Variants in PCDH15 observed in about 807,000 individuals in gnomAD.
PCDH15 encodes the protein protocadherin-15.
PCDH15 carries 129 observed loss-of-function variants against 178.5 expected under a neutral mutation model. The ratio of observed to expected loss-of-function variants is 0.72; its 90% CI spans 0.63 to 0.84. The LOEUF (loss-of-function observed/expected upper bound fraction) is 0.84. Among genes scored for constraint, PCDH15 ranks in the 40% least tolerant of loss-of-function variants. The pLI, the probability that PCDH15 is intolerant of heterozygous loss-of-function variation, is 0.00. For synonymous variants in PCDH15, 800 were observed against 732.0 expected, an observed-to-expected ratio of 1.09 and a Z score of -1.50; for missense variants, 2,230 against 2,099.9, an observed-to-expected ratio of 1.06 and a Z score of -1.21.
chr10:54,497,387 C>A (rs1269503831), intron 3 of PCDH15, among the ~76,000 whole-genome samples: 2 of 152,086 alleles, frequency 1.3e-5, no homozygotes. Context: ...CTATAAAACC[C>A]AGAGTGTCTT....
rs1287521876 is a variant in PCDH15 at position 54,570,492 on chromosome 10, C to T, written c.92-42615G>A. Among the ~76,000 whole-genome samples the T allele has an allele frequency of 3.9e-5, 6 of 152,230 alleles. No homozygotes were observed. In the East Asian group the frequency reaches 9.7e-4, roughly 24 times the overall value. ...TTAACTTTTACTTAATTTCAACTTA[C>T]TGATCCTTTCTTTTAGATTTTGATA... On this transcript the variant is annotated intron_variant, in intron 2 of 37. Coordinates refer to ENST00000644397, the MANE Select transcript of PCDH15 (RefSeq NM_001384140.1).
intron 18 of PCDH15, among the ~76,000 whole-genome samples, chr10:54,028,944 T>TA (rs201729733): frequency 0.15 from 21,119 of 144,970 alleles, 3,105 homozygotes; most frequent in African/African-American, 0.37. Context: ...ATAATAATAA[T>TA]AAAAAAAAGA....
intron 6 of PCDH15, among the ~76,000 whole-genome samples, chr10:54,333,176 G>C (rs1940227558): frequency 6.6e-6 from 1 of 152,064 alleles, no homozygotes; most frequent in African/African-American, 2.4e-5. Context: ...TCGAACTCCT[G>C]ACCTCAAGGG....
At chr10:54,907,188 A>G (rs1482690416) in intron 2 of PCDH15, among the ~76,000 whole-genome samples, 1 of 152,206 alleles carries the variant, frequency 6.6e-6, no homozygotes, top group Admixed American at 6.5e-5. Flanking sequence ...AACAGGTTGT[A>G]ATTACTAAAC....
At chr10:54,526,861 C>A (rs374912785) in intron 3 of PCDH15, among the ~76,000 whole-genome samples, 1 of 152,114 alleles carries the variant, frequency 6.6e-6, no homozygotes, top group East Asian at 1.9e-4. Context: ...GAAGAAGTAA[C>A]TGATGCAGGA....
At chr10:55,618,843 G>T (rs779817150) in intron 2 of PCDH15, among the ~76,000 whole-genome samples, 2 of 151,966 alleles carry the variant, frequency 1.3e-5, no homozygotes, top group Non-Finnish European at 2.9e-5. Context: ...ATGACATAAA[G>T]AAAATTGTTT....
intron 2 of PCDH15, among the ~76,000 whole-genome samples, chr10:55,164,189 A>G (rs1839136715): frequency 6.6e-6 from 1 of 152,140 alleles, no homozygotes; most frequent in African/African-American, 2.4e-5. Context: ...CATGAGAAAA[A>G]ATATCTGACA....
Position 54,749,944 on chromosome 10 carries a change from T to C in PCDH15, c.-29+50981A>G, listed in dbSNP as rs10825392. Reference sequence around the variant, plus strand: ...CTATATTTATGAATTAAAACTTTTTTTTAACTTCCCTGATCTCAGTTTTCT... The same window carrying C: ...CTATATTTATGAATTAAAACTTTTTCTTAACTTCCCTGATCTCAGTTTTCT... On this transcript the variant is annotated intron_variant, in intron 1 of 37. Transcript: ENST00000644397. Among the ~76,000 whole-genome samples the C allele has an allele frequency of 9.7e-3, 1,471 of 152,258 alleles. 20 individuals carry two copies. Among genetic ancestry groups the C allele is most frequent in the East Asian group, 0.055 (285 of 5,178 alleles).
At chr10:55,413,446 C>G (rs1244654783) in intron 2 of PCDH15, among the ~76,000 whole-genome samples, 2 of 151,542 alleles carry the variant, frequency 1.3e-5, no homozygotes. Flanking sequence ...CAAGTGTAGA[C>G]TTTTCTAAAA....
chr10:54,117,536 A>G (rs1421742327), intron 15 of PCDH15, among the ~76,000 whole-genome samples: 3 of 152,110 alleles, frequency 2.0e-5, no homozygotes, highest in African/African-American at 4.8e-5. Flanking sequence ...CTCTTCTTTT[A>G]GTCCTGCCCA....
chr10:55,531,949 A>G (rs1351863057), intron 2 of PCDH15, among the ~76,000 whole-genome samples: 7 of 152,064 alleles, frequency 4.6e-5, no homozygotes, highest in Non-Finnish European at 1.0e-4. Context: ...CAGAAAAACT[A>G]TTGGAGACTT....
At chr10:54,073,458 TAA>T (rs1164149162) in intron 17 of PCDH15, among the ~76,000 whole-genome samples, 3 of 152,194 alleles carry the variant, frequency 2.0e-5, no homozygotes, top group Admixed American at 1.3e-4. Flanking sequence ...TTGCTTTTGT[TAA>T]AGTTTCCTAT....
At chr10:54,293,421 A>G (rs2059551067) in intron 8 of PCDH15, among the ~76,000 whole-genome samples, 1 of 152,282 alleles carries the variant, frequency 6.6e-6, no homozygotes, top group East Asian at 1.9e-4. Flanking sequence ...ACACTTCATG[A>G]CTAAGACACC....
At chr10:54,621,911 G>A (rs1039036105) in intron 2 of PCDH15, among the ~76,000 whole-genome samples, 1 of 152,022 alleles carries the variant, frequency 6.6e-6, no homozygotes, top group Admixed American at 6.6e-5. Flanking sequence ...TTGGTTGATA[G>A]TGTCAAACGC....
chr10:54,428,930 C>T (rs1796596200), intron 3 of PCDH15, among the ~76,000 whole-genome samples: 1 of 152,282 alleles, frequency 6.6e-6, no homozygotes, highest in East Asian at 1.9e-4. Context: ...TTCATCAATA[C>T]CAGACCTATC....
At position 53,810,536 on chromosome 10, in the gene PCDH15, A is replaced by G; in HGVS notation, c.4671+20T>C. On this transcript the variant is annotated intron_variant, in intron 37 of 37. Transcript: ENST00000644397. Reference sequence around the variant, plus strand: ...TTTTTCTTGGAATATTATCTTACATAATAAAATTACAGTAATTACCTCTTC... The same window carrying G: ...TTTTTCTTGGAATATTATCTTACATGATAAAATTACAGTAATTACCTCTTC... 6.3e-7 allele frequency: 1 copy of G among 1,593,128 alleles called. No individual in the cohort carries two copies.
intron 14 of PCDH15, among the ~76,000 whole-genome samples, chr10:54,137,739 T>C (rs1337396991): frequency 6.6e-6 from 1 of 152,212 alleles, no homozygotes; most frequent in Non-Finnish European, 1.5e-5. Context: ...CCAATTTCCT[T>C]AGCTGCAGCA....
intron 1 of PCDH15, among the ~76,000 whole-genome samples, chr10:54,693,846 A>G (rs543700596): frequency 7.9e-5 from 12 of 152,252 alleles, no homozygotes; most frequent in African/African-American, 2.9e-4. Flanking sequence ...AGCCTGCACT[A>G]CTTACTGAGT....
At chr10:55,476,582 A>G (rs1004314724) in intron 2 of PCDH15, among the ~76,000 whole-genome samples, 1 of 152,088 alleles carries the variant, frequency 6.6e-6, no homozygotes, top group Non-Finnish European at 1.5e-5. Flanking sequence ...AAGGACTGAT[A>G]TTTGACCACT....
Sources: gnomAD v4.1 joint callset for allele counts (sites outside exome capture counted in the v4.1 genomes callset) on GRCh38, gnomAD v4.1.1 for gene constraint, MANE v1.5 for transcripts, NCBI Gene and HGNC (gene_info 2026-07-23, HGNC 2026-07-21) for gene names.